UBE3D: variants seen among roughly 807,000 people sequenced by gnomAD.
UBE3D encodes the protein E3 ubiquitin-protein ligase E3D.
A neutral mutation model predicts 49.6 loss-of-function variants in UBE3D; 48 were observed. The ratio of observed to expected loss-of-function variants is 0.97; its 90% CI spans 0.77 to 1.23. The LOEUF (loss-of-function observed/expected upper bound fraction) is 1.23, where lower values mean the gene tolerates loss of function less well. UBE3D is among the 50% of genes most tolerant of loss of function. The pLI, the probability that UBE3D is intolerant of heterozygous loss-of-function variation, is 0.00. For synonymous variants in UBE3D, 189 were observed against 174.2 expected (o/e 1.08, Z -0.67); for missense variants, 452 against 468.4 (o/e 0.96, Z 0.32).
chr6:82,914,129 T>C (rs1772734947), intron 9 of UBE3D, among the ~76,000 whole-genome samples: 1 of 152,220 alleles, frequency 6.6e-6, no homozygotes, highest in South Asian at 2.1e-4. Flanking sequence ...CCTCCAAAAC[T>C]AATTTAAAAT....
chr6:83,031,720 A>G (rs953529142), intron 5 of UBE3D, among the ~76,000 whole-genome samples: 10 of 152,256 alleles, frequency 6.6e-5, no homozygotes, highest in Admixed American at 2.6e-4. Context: ...AGACCTTTGC[A>G]GCAGCCCCTC....
At chr6:82,933,300 C>A (rs971959300) in intron 9 of UBE3D, among the ~76,000 whole-genome samples, 1 of 152,158 alleles carries the variant, frequency 6.6e-6, no homozygotes, top group Non-Finnish European at 1.5e-5. Flanking sequence ...GTTCTGGATA[C>A]CAACACAACA....
chr6:82,907,868 A>G (rs1364021850), intron 9 of UBE3D, among the ~76,000 whole-genome samples: 1 of 152,208 alleles, frequency 6.6e-6, no homozygotes, highest in Non-Finnish European at 1.5e-5. Context: ...AAACAGGTCC[A>G]CAAAAAGATT....
chr6:83,059,110 G>C (rs1328979510), intron 1 of UBE3D, among the ~76,000 whole-genome samples: 5 of 152,124 alleles, frequency 3.3e-5, no homozygotes, highest in Admixed American at 3.3e-4. Flanking sequence ...AGCAGGTCGA[G>C]GTAGCTCACT....
intron 8 of UBE3D, among the ~76,000 whole-genome samples, chr6:82,985,573 A>G (rs1315235370): frequency 6.6e-6 from 1 of 152,154 alleles, no homozygotes. Context: ...CATGTTAGCC[A>G]GGATGGTCTC....
intron 8 of UBE3D, among the ~76,000 whole-genome samples, chr6:82,959,617 T>G (rs771709959): frequency 2.0e-5 from 3 of 148,886 alleles, no homozygotes; most frequent in Non-Finnish European, 4.4e-5. Flanking sequence ...TCAACCACAT[T>G]CCACTTTGGA....
At chr6:82,882,057 G>A in the UBE3D span, among the ~76,000 whole-genome samples, 2 of 152,058 alleles carry the variant, frequency 1.3e-5, no homozygotes, top group Admixed American at 6.6e-5. Context: ...CAAAGGAACC[G>A]ATTCCCTACT....
At chr6:82,997,254 T>C (rs1290068709) in intron 8 of UBE3D, among the ~76,000 whole-genome samples, 1 of 152,090 alleles carries the variant, frequency 6.6e-6, no homozygotes, top group African/African-American at 2.4e-5. Flanking sequence ...CAGAATTGTA[T>C]CAAAGAAAAA....
Position 82,975,795 on chromosome 6 carries a change from T to C in UBE3D, c.1011-18345A>G, listed in dbSNP as rs372103963. Reference sequence around the variant, plus strand: ...CTAAATTTGGAATTTAAGATTTTTGTCATTAGCGTCAGTCAAGTTGCTATA... The same window carrying C: ...CTAAATTTGGAATTTAAGATTTTTGCCATTAGCGTCAGTCAAGTTGCTATA... On this transcript the variant is annotated intron_variant, in intron 8 of 9. Coordinates refer to ENST00000369747, the MANE Select transcript of UBE3D (RefSeq NM_198920.3). 2.1e-3 allele frequency among the ~76,000 whole-genome samples: 314 copies of C among 152,300 alleles called. 2 individuals are homozygous for C. The highest frequency in any genetic ancestry group is 7.2e-3 in the African/African-American group (299 of 41,572).
At chr6:82,920,783 T>G (rs928319634) in intron 9 of UBE3D, among the ~76,000 whole-genome samples, 1 of 152,188 alleles carries the variant, frequency 6.6e-6, no homozygotes, top group Non-Finnish European at 1.5e-5. Flanking sequence ...ATATGTAATG[T>G]TTAAAGAAGT....
intron 5 of UBE3D, among the ~76,000 whole-genome samples, chr6:83,035,291 G>A (rs549669165): frequency 3.3e-5 from 5 of 151,778 alleles, no homozygotes; most frequent in East Asian, 1.9e-4. Flanking sequence ...TCCTTATCCC[G>A]CTCTCCTTTA....
At chr6:82,922,667 A>ACGGGCAAAAAC (rs1554184944) in intron 9 of UBE3D, among the ~76,000 whole-genome samples, 1 of 151,524 alleles carries the variant, frequency 6.6e-6, no homozygotes, top group South Asian at 2.1e-4. Context: ...GGACATAGGC[A>ACGGGCAAAAAC]TGTCTAAAAC....
chr6:82,979,668 G>C (rs181899266), intron 8 of UBE3D, among the ~76,000 whole-genome samples: 2 of 152,176 alleles, frequency 1.3e-5, no homozygotes, highest in East Asian at 3.9e-4. Flanking sequence ...ATATTACATA[G>C]TGGTGAAGTC....
At chr6:82,932,815 C>T (rs1459669578) in intron 9 of UBE3D, among the ~76,000 whole-genome samples, 1 of 152,092 alleles carries the variant, frequency 6.6e-6, no homozygotes, top group African/African-American at 2.4e-5. Context: ...TACCCAATTG[C>T]CATTGTTTTC....
At position 83,033,156 on chromosome 6, in the gene UBE3D, G is replaced by A. The variant is rs116962944; in HGVS notation, c.667+5260C>T. Among the ~76,000 whole-genome samples, 376 of 152,114 alleles carry A rather than the reference G, an allele frequency of 2.5e-3. 6 individuals carry two copies. Among genetic ancestry groups the A allele is most frequent in the East Asian group, 0.023 (119 of 5,140 alleles). On this transcript the variant is annotated intron_variant, in intron 5 of 9. Coordinates refer to ENST00000369747, the MANE Select transcript of UBE3D (RefSeq NM_198920.3). ...AAGGTGTCTCACATGGTGAAAGCAG[G>A]GATGAGAGAGAGAGGGGAGAGGTGT...
intron 8 of UBE3D, among the ~76,000 whole-genome samples, chr6:83,013,005 G>A (rs1291084940): frequency 6.6e-6 from 1 of 152,198 alleles, no homozygotes; most frequent in African/African-American, 2.4e-5. Flanking sequence ...GGCCACTGGT[G>A]TAGGCTGGGG....
intron 9 of UBE3D, among the ~76,000 whole-genome samples, chr6:82,916,439 C>T (rs949227387): frequency 8.5e-5 from 13 of 152,296 alleles, no homozygotes; most frequent in African/African-American, 2.9e-4. Flanking sequence ...CATAGAAGAA[C>T]ATAGGTCACA....
At chr6:82,903,623 C>G (rs1164213247) in intron 9 of UBE3D, among the ~76,000 whole-genome samples, 4 of 152,054 alleles carry the variant, frequency 2.6e-5, no homozygotes, top group Non-Finnish European at 5.9e-5. Context: ...TTTTCTTTAG[C>G]TATTTACTAC....
chr6:82,903,575 T>G (rs555735143), intron 9 of UBE3D, among the ~76,000 whole-genome samples: 3 of 152,244 alleles, frequency 2.0e-5, no homozygotes, highest in African/African-American at 7.2e-5. Context: ...ACAGGTAAGT[T>G]CTGGCAAGAA....
Sources: gnomAD v4.1 joint callset for allele counts (sites outside exome capture counted in the v4.1 genomes callset) on GRCh38, gnomAD v4.1.1 for gene constraint, MANE v1.5 for transcripts, NCBI Gene and HGNC (gene_info 2026-07-23, HGNC 2026-07-21) for gene names.